Variants in PSD3 observed in about 807,000 individuals in gnomAD.
The protein encoded by PSD3 is pleckstrin and Sec7 domain containing 3.
In PSD3, 49 loss-of-function variants were observed where a neutral mutation model predicts 105.5. The observed-to-expected ratio is 0.46, with a 90% CI of 0.37 to 0.59. The LOEUF (loss-of-function observed/expected upper bound fraction) is 0.59. Ranked by LOEUF, PSD3 falls within the 20% of genes least tolerant of loss-of-function variation. PSD3 has a pLI of 0.00. For synonymous variants in PSD3, 557 were observed against 457.8 expected (o/e 1.22, Z -2.77); for missense variants, 1,561 against 1,263.8 (o/e 1.24, Z -3.57).
chr8:18,625,491 G>C (rs1303035225), intron 11 of PSD3, among the ~76,000 whole-genome samples: 1 of 152,158 alleles, frequency 6.6e-6, no homozygotes, highest in Non-Finnish European at 1.5e-5. Flanking sequence ...AGGCAATTCA[G>C]TGTTTAAACA....
intron 9 of PSD3, among the ~76,000 whole-genome samples, chr8:18,673,639 C>G (rs1164671542): frequency 2.0e-5 from 3 of 152,168 alleles, no homozygotes; most frequent in African/African-American, 7.2e-5. Flanking sequence ...CTACTGGACA[C>G]CATGTCTTCT....
At chr8:18,817,740 C>T (rs2632836) in intron 4 of PSD3, among the ~76,000 whole-genome samples, 126,204 of 152,130 alleles carry the variant, frequency 0.83, 52,681 homozygotes, top group East Asian at 0.9. Flanking sequence ...CTCTGATCAG[C>T]GGAAATCATC....
intron 4 of PSD3, among the ~76,000 whole-genome samples, chr8:18,862,909 A>G (rs1300640091): frequency 2.0e-5 from 3 of 150,768 alleles, no homozygotes; most frequent in African/African-American, 4.9e-5. Flanking sequence ...AAAAAAAAAA[A>G]TCCCCACAAA....
At chr8:18,770,873 C>T (rs1426191842) in intron 8 of PSD3, among the ~76,000 whole-genome samples, 1 of 152,112 alleles carries the variant, frequency 6.6e-6, no homozygotes, top group Non-Finnish European at 1.5e-5. Context: ...TTACCAGCAT[C>T]CAGGAGAAAA....
chr8:19,060,703 T>A (rs1448969269), intron 1 of PSD3, among the ~76,000 whole-genome samples: 2 of 152,196 alleles, frequency 1.3e-5, no homozygotes, highest in Admixed American at 1.3e-4. Flanking sequence ...CATGCCAAAG[T>A]CTAATCAATA....
intron 2 of PSD3, among the ~76,000 whole-genome samples, chr8:18,901,268 T>C (rs1036906914): frequency 6.6e-6 from 1 of 152,180 alleles, no homozygotes; most frequent in Admixed American, 6.5e-5. Context: ...TTTAAAATAT[T>C]TGAATATAAG....
In PSD3 at chr8:18,753,411, G is replaced by A. The variant is rs1024504685; in HGVS notation, c.2172+12038C>T. On this transcript the variant is annotated intron_variant, in intron 9 of 15. Coordinates refer to ENST00000327040, the MANE Select transcript of PSD3 (RefSeq NM_015310.4). Reference sequence around the variant, plus strand: ...ATGTGTGAACTCCCTCTGACAAGATGGTATGTTGTGAAGAGGAAAGTTCAT... The same window carrying A: ...ATGTGTGAACTCCCTCTGACAAGATAGTATGTTGTGAAGAGGAAAGTTCAT... Among the ~76,000 whole-genome samples the A allele has an allele frequency of 1.3e-5, 2 of 151,836 alleles. 1 individual carries two copies. The highest frequency in any genetic ancestry group is 4.8e-5 in the African/African-American group (2 of 41,358).
intron 9 of PSD3, among the ~76,000 whole-genome samples, chr8:18,665,604 G>A (rs1199670037): frequency 6.6e-6 from 1 of 152,238 alleles, no homozygotes; most frequent in Non-Finnish European, 1.5e-5. Context: ...CAGGGTTTGA[G>A]GGGAATGACT....
At chr8:18,895,443 C>A (rs1819083404) in intron 2 of PSD3, among the ~76,000 whole-genome samples, 1 of 152,174 alleles carries the variant, frequency 6.6e-6, no homozygotes, top group Non-Finnish European at 1.5e-5. Flanking sequence ...AAGTCTCATG[C>A]ATTTACGCAT....
At position 18,673,815 on chromosome 8, in the gene PSD3, G is replaced by C. The variant is rs75251104; in HGVS notation, c.2173-18130C>G. 8.2e-3 allele frequency among the ~76,000 whole-genome samples: 1,251 copies of C among 152,188 alleles called. 13 individuals are homozygous for C. The highest frequency in any genetic ancestry group is 0.028 in the African/African-American group (1,149 of 41,496). On this transcript the variant is annotated intron_variant, in intron 9 of 15. Coordinates refer to ENST00000327040, the MANE Select transcript of PSD3 (RefSeq NM_015310.4). ...TAATTTCCTAAGTCCAAAACCTCTG[G>C]ATTAAACTTATCAGAGAGAAAGAAC...
At chr8:18,622,107 G>C (rs1005030539) in intron 11 of PSD3, among the ~76,000 whole-genome samples, 9 of 152,170 alleles carry the variant, frequency 5.9e-5, no homozygotes, top group African/African-American at 2.2e-4. Context: ...TTTACAATGA[G>C]ATTGAAAAGC....
chr8:18,923,259 T>C (rs1328233708), intron 2 of PSD3, among the ~76,000 whole-genome samples: 2 of 152,206 alleles, frequency 1.3e-5, no homozygotes, highest in African/African-American at 4.8e-5. Flanking sequence ...TTCAAAGCTG[T>C]CCTGGGCTGC....
chr8:18,816,629 G>A (rs1432190468), intron 4 of PSD3, among the ~76,000 whole-genome samples: 2 of 152,200 alleles, frequency 1.3e-5, no homozygotes, highest in African/African-American at 4.8e-5. Flanking sequence ...CTATGTGCCA[G>A]CACATTTCTA....
intron 12 of PSD3, among the ~76,000 whole-genome samples, chr8:18,582,981 C>A (rs1419136100): frequency 6.6e-6 from 1 of 151,966 alleles, no homozygotes; most frequent in East Asian, 2.0e-4. Flanking sequence ...GCACGTGCCA[C>A]CACGCCTGGC....
intron 14 of PSD3, among the ~76,000 whole-genome samples, chr8:18,563,059 G>C (rs751949972): frequency 2.0e-5 from 3 of 152,110 alleles, no homozygotes. Context: ...CCTGACCTTT[G>C]TGTGAGTTTT....
intron 1 of PSD3, among the ~76,000 whole-genome samples, chr8:18,967,760 C>T (rs888378593): frequency 4.6e-5 from 7 of 152,126 alleles, no homozygotes; most frequent in Non-Finnish European, 1.0e-4. Flanking sequence ...AAAAGAGTCA[C>T]ATGATAAAGT....
intron 10 of PSD3, among the ~76,000 whole-genome samples, chr8:18,644,173 G>C (rs949266205): frequency 1.3e-5 from 2 of 152,196 alleles, no homozygotes; most frequent in Non-Finnish European, 2.9e-5. Flanking sequence ...TTTGCAAATG[G>C]TTGCTTGGCC....
intron 1 of PSD3, among the ~76,000 whole-genome samples, chr8:19,021,089 G>A (rs1827347542): frequency 6.6e-6 from 1 of 152,168 alleles, no homozygotes; most frequent in African/African-American, 2.4e-5. Flanking sequence ...GAGAAAAGAG[G>A]AGAGCCTAAT....
chr8:19,058,929 G>A (rs1828797708), intron 1 of PSD3, among the ~76,000 whole-genome samples: 1 of 152,130 alleles, frequency 6.6e-6, no homozygotes, highest in South Asian at 2.1e-4. Flanking sequence ...TGAAGGATGG[G>A]CACCCATAGC....
Sources: gnomAD v4.1 joint callset for allele counts (sites outside exome capture counted in the v4.1 genomes callset) on GRCh38, gnomAD v4.1.1 for gene constraint, MANE v1.5 for transcripts, NCBI Gene and HGNC (gene_info 2026-07-23, HGNC 2026-07-21) for gene names.